USP5: variants seen among roughly 807,000 people sequenced by gnomAD.
The protein encoded by USP5 is ubiquitin specific peptidase 5, also known as ubiquitin carboxyl-terminal hydrolase 5.
In USP5, 24 loss-of-function variants were observed where a neutral mutation model predicts 102.5. The observed-to-expected ratio is 0.23, with a 90% CI of 0.17 to 0.33. The LOEUF is 0.33. Among genes scored for constraint, USP5 ranks in the 10% least tolerant of loss-of-function variants. The pLI is 1.00. For missense variants in USP5, 753 were observed against 1,122.1 expected (o/e 0.67, Z 4.70); for synonymous variants, 460 against 434.8 (o/e 1.06, Z -0.72).
At chr12:6,862,414 C>T (rs1555129750) in intron 13 of USP5, 56 bp from the exon 14 acceptor site, 3 of 1,514,080 alleles carry the variant, frequency 2.0e-6, no homozygotes, top group African/African-American at 2.7e-5. Flanking sequence ...GTGGGAGTTT[C>T]AGGAGAGGAA....
intron 19 of USP5, among the ~76,000 whole-genome samples, chr12:6,865,581 A>G (rs138526156): frequency 6.6e-6 from 1 of 152,278 alleles, no homozygotes; most frequent in Non-Finnish European, 1.5e-5. Context: ...TGCCTTTGTA[A>G]ATAAATTTTC....
chr12:6,862,046 C>T (rs1313170757), intron 13 of USP5, among the ~76,000 whole-genome samples: 2 of 151,420 alleles, frequency 1.3e-5, no homozygotes, highest in African/African-American at 4.9e-5. Context: ...CCCTTTGCTG[C>T]TCCTGCCAGT....
Position 6,856,125 on chromosome 12 carries a change from G to T in USP5, c.413G>T (p.Gly138Val), listed in dbSNP as rs782203923. The T allele has an allele frequency of 1.9e-6, 3 of 1,614,180 alleles. No homozygotes were observed. Among genetic ancestry groups the T allele is most frequent in the South Asian group, 1.1e-5 (1 of 91,078 alleles). Reference sequence around the variant, plus strand: ...GAGATTGCCCGGGATGGACTGGGGGGACTGCCTGACATTGTCAGAGATCGG... The same window carrying T: ...GAGATTGCCCGGGATGGACTGGGGGTACTGCCTGACATTGTCAGAGATCGG... ...YLEIARDGLG[G>V]LPDIVRDRVT... is the part of the protein sequence containing the mutation. The change falls in exon 4 of 20, where the codon GGA becomes GTA. Residue 138 changes from glycine to valine, a missense_variant. Transcript: ENST00000229268. The surrounding 1 kb of genome is among the most constrained non-coding windows in gnomAD (Gnocchi z 5.6).
intron 13 of USP5, 125 bp from the exon 14 acceptor site, chr12:6,862,345 A>G (rs1565533042): frequency 1.2e-6 from 1 of 824,762 alleles, no homozygotes; most frequent in East Asian, 2.5e-5. Flanking sequence ...GGGGAAGAGA[A>G]GAATATGGAG....
In USP5 at chr12:6,852,152, C is replaced by A. The variant is rs782213243; in HGVS notation, c.-28C>A. ...GGGGACTGGGAACGGTGGGAGCCGC[C>A]GTGTGTGGAGAAGCTGCTGCCGGTG... On this transcript the variant is annotated 5_prime_UTR_variant, in exon 1 of 20. Transcript: ENST00000229268. 3.1e-6 allele frequency: 5 copies of A among 1,594,816 alleles called. No homozygotes were observed. In the Admixed American group the frequency reaches 7.0e-5, roughly 22 times the overall value.
intron 1 of USP5, among the ~76,000 whole-genome samples, chr12:6,852,842 G>A (rs1555127303): frequency 6.6e-6 from 1 of 152,160 alleles, no homozygotes; most frequent in Non-Finnish European, 1.5e-5. Context: ...GGGCGGGGAG[G>A]GGAGGAAAGA....
rs112930588 is a variant in USP5 at position 6,860,511 on chromosome 12, C to T, written c.1344+20C>T. 1,645 of 1,612,970 alleles carry T rather than the reference C, an allele frequency of 1.0e-3. 9 individuals carry two copies. The highest frequency in any genetic ancestry group is 9.4e-3 in the African/African-American group (704 of 74,998). On this transcript the variant is annotated intron_variant, in intron 11 of 19. Transcript: ENST00000229268. The surrounding 1 kb of genome is among the most constrained non-coding windows in gnomAD (Gnocchi z 5.5). The stretch of plus-strand genomic sequence containing the variant: ...GTGGAGGTAAGGGCTGGCAAGATGG[C>T]ACACCCCCATCTTCCTGCAATTTAC...
chr12:6,857,782 C>G, intron 7 of USP5, 59 bp downstream of exon 7: 3 of 1,564,752 alleles, frequency 1.9e-6, no homozygotes, highest in Non-Finnish European at 2.6e-6. Flanking sequence ...GGCCCTTCCT[C>G]TTTGCCTGAG....
chr12:6,863,789 G>C lies in USP5; in HGVS notation c.1955-41G>C. ...GGGGAGGGAGGAGGAGCAAACAGTGGCCCAATCAGTCGGTCCGTGTACCCA... is the reference window on the plus strand; with the variant it reads ...GGGGAGGGAGGAGGAGCAAACAGTGCCCCAATCAGTCGGTCCGTGTACCCA... On this transcript the variant is annotated intron_variant, in intron 15 of 19. Transcript: ENST00000229268. The surrounding 1 kb of genome is among the most constrained non-coding windows in gnomAD (Gnocchi z 4.7). The C allele has an allele frequency of 1.3e-6, 2 of 1,523,032 alleles. No individual in the cohort carries two copies. The highest frequency in any genetic ancestry group is 2.6e-5 in the South Asian group (2 of 77,380). The allele number at this position is 1,523,032 out of a possible 1,614,324, so 94.3% of individuals were successfully genotyped here.
chr12:6,866,319 G>T lies in USP5; in HGVS notation c.*242G>T. On this transcript the variant is annotated 3_prime_UTR_variant, in exon 20 of 20. Coordinates refer to ENST00000229268, the MANE Select transcript of USP5 (RefSeq NM_001098536.2). The surrounding 1 kb of genome is among the most constrained non-coding windows in gnomAD (Gnocchi z 4.7). ...GGCCACCTGTCTGTAAGGAGACTTTGTTGCTTCCCCTGCCCCCGGAATCCA... is the reference window on the plus strand; with the variant it reads ...GGCCACCTGTCTGTAAGGAGACTTTTTTGCTTCCCCTGCCCCCGGAATCCA... 2.0e-6 allele frequency: 1 copy of T among 502,460 alleles called. No individual in the cohort carries two copies. The highest frequency in any genetic ancestry group is 3.6e-6 in the Non-Finnish European group (1 of 277,156). The allele number at this position is 502,460 out of a possible 1,614,324, so 31.1% of individuals were successfully genotyped here.
intron 1 of USP5, among the ~76,000 whole-genome samples, chr12:6,852,505 G>A (rs1591601993): frequency 6.6e-6 from 1 of 152,274 alleles, no homozygotes; most frequent in East Asian, 1.9e-4. Context: ...CCGGCTCCCC[G>A]CTTCGTGGAG....
In USP5 at chr12:6,865,152, CTCCTT is replaced by C. The variant is rs782022949; in HGVS notation, c.2399-7_2399-3del. The C allele has an allele frequency of 5.6e-6, 9 of 1,608,618 alleles. No homozygotes were observed. Among genetic ancestry groups the C allele is most frequent in the South Asian group, 5.5e-5 (5 of 90,962 alleles). ...TCTGTTTCCTTCTCTGACCCCCTCT[CTCCTT>C]TCCTAGAGTATCAGCTCTTTGCCTT... On this transcript the variant is annotated splice_region_variant and splice_polypyrimidine_tract_variant and intron_variant, in intron 18 of 19. Transcript: ENST00000229268.
rs1565534633 is a variant in USP5 at position 6,864,924 on chromosome 12, T to A, written c.2398+49T>A. ...CAGGCCTGGTGGAATCTGGTCAGTC[T>A]ACTACACCAGATCCCTCATTCAGGC... On this transcript the variant is annotated intron_variant, in intron 18 of 19. Transcript: ENST00000229268. The surrounding 1 kb of genome is among the most constrained non-coding windows in gnomAD (Gnocchi z 4.8). The A allele has an allele frequency of 1.3e-6, 2 of 1,584,592 alleles. No individual in the cohort carries two copies. The highest frequency in any genetic ancestry group is 1.7e-6 in the Non-Finnish European group (2 of 1,161,914).
At chr12:6,862,828 A>G (rs782129556) in intron 14 of USP5, among the ~76,000 whole-genome samples, 1 of 152,350 alleles carries the variant, frequency 6.6e-6, no homozygotes, top group Admixed American at 6.5e-5. Context: ...TCTTGAAACA[A>G]TTAATTCTCG....
chr12:6,863,108 G>C lies in USP5; in HGVS notation c.1763-78G>C, dbSNP rs1192530976. ...CTCTTTACAGAGCAGTTCTGACATA[G>C]GGGGCAGGGGATTGAGGTTCCCGAA... On this transcript the variant is annotated intron_variant, in intron 14 of 19. Transcript: ENST00000229268. The surrounding 1 kb of genome is among the most constrained non-coding windows in gnomAD (Gnocchi z 4.7). 3.6e-5 allele frequency: 52 copies of C among 1,431,582 alleles called. No individual in the cohort carries two copies. Among genetic ancestry groups the C allele is most frequent in the Admixed American group, 2.2e-5 (1 of 45,182 alleles). 88.7% of individuals were successfully genotyped at this position (1,431,582 alleles called of 1,614,324 possible).
In USP5 at chr12:6,866,294, G is replaced by T; in HGVS notation, c.*217G>T. ...GAGCAGGACGGGGACGGGAGGGGCC[G>T]GCCACCTGTCTGTAAGGAGACTTTG... On this transcript the variant is annotated 3_prime_UTR_variant, in exon 20 of 20. Transcript: ENST00000229268. This position sits in a 1 kb window ranked among gnomAD's most constrained non-coding sequence, Gnocchi z 4.7. 1 of 545,256 alleles carries T rather than the reference G, an allele frequency of 1.8e-6. No homozygotes were observed. The highest frequency in any genetic ancestry group is 2.9e-5 in the East Asian group (1 of 34,544). 33.8% of individuals were successfully genotyped at this position (545,256 alleles called of 1,614,324 possible). A position where few individuals can be genotyped will look rare whatever the true frequency, so the allele number is the denominator to read the frequency against.
intron 6 of USP5, 74 bp from the exon 7 acceptor site, chr12:6,857,554 TG>T (rs1944153897): frequency 3.9e-6 from 5 of 1,280,574 alleles, no homozygotes; most frequent in Non-Finnish European, 5.6e-6. Flanking sequence ...AAGTCCCTTC[TG>T]TGCAAGGGAT....
rs148012926 is a variant in USP5 at position 6,861,295 on chromosome 12, G to A, written c.1499-148G>A. ...ACTCAGCTTGTTAGCAGAGCTGCAT[G>A]GAAACAGGCGAGATATATTGGACAT... On this transcript the variant is annotated intron_variant, in intron 12 of 19. Transcript: ENST00000229268. This position sits in a 1 kb window ranked among gnomAD's most constrained non-coding sequence, Gnocchi z 4.9. 111 of 1,282,498 alleles carry A rather than the reference G, an allele frequency of 8.7e-5. No individual in the cohort carries two copies. In the African/African-American group the frequency reaches 1.2e-3, roughly 14 times the overall value. The allele number at this position is 1,282,498 out of a possible 1,614,324, so 79.4% of individuals were successfully genotyped here.
At position 6,855,659 on chromosome 12, in the gene USP5, G is replaced by A. The variant is rs939364161; in HGVS notation, c.238-96G>A. ...CACAGATGTTTTTTAGCTTTATTCC[G>A]TTCTGAGATGAAGCACTACCTCCTT... On this transcript the variant is annotated intron_variant, in intron 2 of 19. Coordinates refer to ENST00000229268, the MANE Select transcript of USP5 (RefSeq NM_001098536.2). This position sits in a 1 kb window ranked among gnomAD's most constrained non-coding sequence, Gnocchi z 4.6. 7.5e-6 allele frequency: 12 copies of A among 1,593,480 alleles called. No individual in the cohort carries two copies. In the Admixed American group the frequency reaches 1.0e-4, roughly 14 times the overall value.
Sources: allele counts gnomAD v4.1 joint callset (sites outside exome capture counted in the v4.1 genomes callset), GRCh38; gene constraint gnomAD v4.1.1; non-coding constraint Gnocchi (gnomAD v3.1); transcripts MANE v1.5; gene names NCBI Gene and HGNC (gene_info 2026-07-23, HGNC 2026-07-21).